MTF2: variants seen among roughly 807,000 people sequenced by gnomAD.
MTF2 encodes metal-response element-binding transcription factor 2.
MTF2 carries 11 observed loss-of-function variants against 79.5 expected under a neutral mutation model. That is an observed-to-expected ratio of 0.14 (90% CI 0.09 to 0.23). The LOEUF (loss-of-function observed/expected upper bound fraction) is 0.23, where lower values mean the gene tolerates loss of function less well. Among genes scored for constraint, MTF2 ranks in the 10% least tolerant of loss-of-function variants. The pLI, the probability that MTF2 is intolerant of heterozygous loss-of-function variation, is 1.00. For missense variants in MTF2, 486 were observed against 711.2 expected, an observed-to-expected ratio of 0.68 and a Z score of 3.60; for synonymous variants, 208 against 232.8, an observed-to-expected ratio of 0.89 and a Z score of 0.97.
intron 1 of MTF2, among the ~76,000 whole-genome samples, chr1:93,086,083 G>C (rs1654822774): frequency 6.6e-6 from 1 of 152,168 alleles, no homozygotes; most frequent in Non-Finnish European, 1.5e-5. Context: ...AAGTCACTGG[G>C]TAATATGAAT....
chr1:93,095,330 T>C, intron 1 of MTF2, among the ~76,000 whole-genome samples: 1 of 152,152 alleles, frequency 6.6e-6, no homozygotes, highest in Non-Finnish European at 1.5e-5. Context: ...TACATATTTC[T>C]TCATTCTTTT....
Position 93,096,133 on chromosome 1 carries a change from GC to G in MTF2, c.6-14095del, listed in dbSNP as rs1655278572. ...TTTACAAGTGTTCATTCTTCCATCTGCCTTCCATCTTCATATATTGTGATTT... is the reference window on the plus strand; with the variant it reads ...TTTACAAGTGTTCATTCTTCCATCTGCTTCCATCTTCATATATTGTGATTT... On this transcript the variant is annotated intron_variant, in intron 1 of 14. Coordinates refer to ENST00000370298, the MANE Select transcript of MTF2 (RefSeq NM_007358.4). 2.6e-5 allele frequency among the ~76,000 whole-genome samples: 4 copies of G among 152,084 alleles called. No individual in the cohort carries two copies. In the South Asian group the frequency reaches 8.3e-4, roughly 32 times the overall value.
chr1:93,113,370 A>T (rs2101061920), intron 3 of MTF2, among the ~76,000 whole-genome samples: 1 of 152,256 alleles, frequency 6.6e-6, no homozygotes, highest in East Asian at 1.9e-4. Flanking sequence ...ACACAGCAAG[A>T]CCCTATCTGA....
intron 1 of MTF2, among the ~76,000 whole-genome samples, chr1:93,080,114 G>A (rs1021695716): frequency 2.0e-5 from 3 of 152,112 alleles, no homozygotes; most frequent in Non-Finnish European, 4.4e-5. Context: ...TTAAAGGGAA[G>A]CGGTGGGAGG....
chr1:93,099,430 ACTTT>A (rs1655437889), intron 1 of MTF2, among the ~76,000 whole-genome samples: 1 of 152,146 alleles, frequency 6.6e-6, no homozygotes, highest in Non-Finnish European at 1.5e-5. Flanking sequence ...GATCCTAGAA[ACTTT>A]CTGAGGAAAA....
chr1:93,091,855 T>C (rs1655086195), intron 1 of MTF2, among the ~76,000 whole-genome samples: 1 of 152,206 alleles, frequency 6.6e-6, no homozygotes, highest in Non-Finnish European at 1.5e-5. Context: ...TTGAGCTGTT[T>C]TAAGGAAAGG....
intron 9 of MTF2, chr1:93,121,057 C>T (rs1441127952): frequency 1.0e-5 from 10 of 978,132 alleles, no homozygotes; most frequent in Non-Finnish European, 1.2e-5. Context: ...CTTCCTTCCT[C>T]TCTTGTTGGT....
In MTF2 at chr1:93,133,750, G is replaced by A; in HGVS notation, c.1208G>A (p.Gly403Asp). 1 of 1,612,340 alleles carries A rather than the reference G, an allele frequency of 6.2e-7. No homozygotes were observed. Among genetic ancestry groups the A allele is most frequent in the Non-Finnish European group, 8.5e-7 (1 of 1,179,460 alleles). The change falls in exon 12 of 15, where the codon GGT becomes GAT. Residue 403 changes from glycine (G) to aspartate (D), a missense_variant. Gly to Asp is a moderately conservative substitution (Grantham distance 94). Around this residue, in one of 4 missense-constraint regions of MTF2, gnomAD observed 209 missense variants for 206.5 expected, o/e 1.01. Coordinates refer to ENST00000370298, the MANE Select transcript of MTF2 (RefSeq NM_007358.4). Reference sequence around the variant, plus strand: ...AAAAAAGGAAAGAAAAAATCTGTAGGTCGTCCACCTGGCCCATATACAAGA... The same window carrying A: ...AAAAAAGGAAAGAAAAAATCTGTAGATCGTCCACCTGGCCCATATACAAGA... ...IEKKGKKKSV[G>D]RPPGPYTRKM...
At chr1:93,134,233 A>G in intron 14 of MTF2, 38 bp downstream of exon 14, 1 of 1,414,764 alleles carries the variant, frequency 7.1e-7, no homozygotes, top group Non-Finnish European at 9.8e-7. Flanking sequence ...TACTTTTTTT[A>G]CTCTAGATTT....
chr1:93,126,751 T>C (rs1656712817), intron 9 of MTF2, among the ~76,000 whole-genome samples: 1 of 152,086 alleles, frequency 6.6e-6, no homozygotes, highest in South Asian at 2.1e-4. Context: ...TAAAAAATTA[T>C]AGAGATTATC....
chr1:93,133,977 T>C lies in MTF2; in HGVS notation c.1316T>C (p.Ile439Thr), dbSNP rs138260646. 44 of 1,571,952 alleles carry C rather than the reference T, an allele frequency of 2.8e-5. No individual in the cohort carries two copies. The African/African-American group carries it at 5.7e-4, about 20-fold the overall frequency. The change falls in exon 13 of 15, where the codon ATA (isoleucine) becomes ACA (threonine). Residue 439 changes from isoleucine to threonine, a missense_variant. Physicochemically the swap from Ile to Thr is moderately conservative, Grantham distance 89. Around this residue, in one of 4 missense-constraint regions of MTF2, gnomAD observed 209 missense variants for 206.5 expected, o/e 1.01. Transcript: ENST00000370298. ...CCTACTTTGGATTTACCTTGTTCTATAGGGTAAATAGAAAGTTATTTTCTC... is the reference window on the plus strand; with the variant it reads ...CCTACTTTGGATTTACCTTGTTCTACAGGGTAAATAGAAAGTTATTTTCTC... ...ENPTLDLPCS[I>T]GRTEGTAHSS...
At chr1:93,125,687 A>C (rs1055887703) in intron 9 of MTF2, among the ~76,000 whole-genome samples, 1 of 152,004 alleles carries the variant, frequency 6.6e-6, no homozygotes, top group African/African-American at 2.4e-5. Flanking sequence ...TCATCTGATA[A>C]GATTTCACAG....
At chr1:93,091,859 G>A (rs1356344374) in intron 1 of MTF2, among the ~76,000 whole-genome samples, 1 of 152,134 alleles carries the variant, frequency 6.6e-6, no homozygotes, top group Non-Finnish European at 1.5e-5. Flanking sequence ...GCTGTTTTAA[G>A]GAAAGGGAGT....
intron 1 of MTF2, among the ~76,000 whole-genome samples, chr1:93,102,970 A>C (rs1655608680): frequency 6.6e-6 from 1 of 152,006 alleles, no homozygotes. Context: ...TCTTTGCAAA[A>C]ATATGAAAAA....
chr1:93,137,072 G>A lies in MTF2; in HGVS notation c.*45G>A. Reference sequence around the variant, plus strand: ...GTTCACTGCACTCTGATTTTCTGTAGGTACAGTTCAAAGCCCTAAAGGAGT... The same window carrying A: ...GTTCACTGCACTCTGATTTTCTGTAAGTACAGTTCAAAGCCCTAAAGGAGT... On this transcript the variant is annotated 3_prime_UTR_variant, in exon 15 of 15. Transcript: ENST00000370298. 3.3e-6 allele frequency: 5 copies of A among 1,522,792 alleles called. No individual in the cohort carries two copies. Among genetic ancestry groups the A allele is most frequent in the Non-Finnish European group, 4.5e-6 (5 of 1,108,870 alleles). 94.3% of individuals were successfully genotyped at this position (1,522,792 alleles called of 1,614,324 possible).
intron 1 of MTF2, among the ~76,000 whole-genome samples, chr1:93,081,429 A>C (rs574133937): frequency 1.3e-5 from 2 of 152,336 alleles, no homozygotes; most frequent in Non-Finnish European, 2.9e-5. Context: ...ATTTTAACAG[A>C]GAAATTTGCC....
intron 9 of MTF2, among the ~76,000 whole-genome samples, chr1:93,126,264 A>G (rs543223219): frequency 3.3e-5 from 5 of 152,162 alleles, no homozygotes; most frequent in African/African-American, 1.2e-4. Flanking sequence ...CTCACCAACT[A>G]GACAGGTGAA....
chr1:93,105,832 C>T (rs549200791), intron 1 of MTF2, among the ~76,000 whole-genome samples: 43 of 152,176 alleles, frequency 2.8e-4, no homozygotes, highest in Non-Finnish European at 7.4e-5. Flanking sequence ...CCAGCCATCA[C>T]GCCCGGCTAA....
intron 1 of MTF2, among the ~76,000 whole-genome samples, chr1:93,101,888 A>G (rs1210423890): frequency 6.6e-6 from 1 of 151,978 alleles, no homozygotes; most frequent in Middle Eastern, 3.2e-3. Flanking sequence ...CGTCTTAACC[A>G]ATTTTCAGTG....
Sources: allele counts gnomAD v4.1 joint callset (sites outside exome capture counted in the v4.1 genomes callset), GRCh38; gene constraint gnomAD v4.1.1; regional missense constraint gnomAD v4.1.1; transcripts MANE v1.5; gene names NCBI Gene and HGNC (gene_info 2026-07-23, HGNC 2026-07-21).